The following CHMP4C variants were observed in gnomAD, a reference collection of about 807,000 sequenced individuals.
CHMP4C encodes the protein SNF7 homolog associated with Alix 3.
A neutral mutation model predicts 29.0 loss-of-function variants in CHMP4C; 28 were observed. That is an observed-to-expected ratio of 0.97 (90% CI 0.72 to 1.32). The LOEUF (loss-of-function observed/expected upper bound fraction) is 1.32, where lower values mean the gene tolerates loss of function less well. CHMP4C is among the 40% of genes most tolerant of loss of function. The probability of loss-of-function intolerance (pLI) is 0.00; values close to 1 mark genes in which losing one functional copy is unlikely to be tolerated. For missense variants in CHMP4C, 291 were observed against 281.0 expected, an observed-to-expected ratio of 1.04 and a Z score of -0.25; for synonymous variants, 106 against 102.4, an observed-to-expected ratio of 1.04 and a Z score of -0.21.
intron 1 of CHMP4C, among the ~76,000 whole-genome samples, chr8:81,745,886 A>C (rs1359009578): frequency 6.6e-6 from 1 of 152,160 alleles, no homozygotes; most frequent in Non-Finnish European, 1.5e-5. Context: ...ATTGAACTGC[A>C]CCTTCTACAC....
At chr8:81,744,068 C>A (rs1808794725) in intron 1 of CHMP4C, among the ~76,000 whole-genome samples, 1 of 152,210 alleles carries the variant, frequency 6.6e-6, no homozygotes, top group Non-Finnish European at 1.5e-5. Context: ...TCTCAGGCAT[C>A]TGCTTTAGCA....
In CHMP4C at chr8:81,758,168, A is replaced by G; in HGVS notation, c.510A>G (p.Glu170=). 6.2e-7 allele frequency: 1 copy of G among 1,613,940 alleles called. No homozygotes were observed. Among genetic ancestry groups the G allele is most frequent in the Non-Finnish European group, 8.5e-7 (1 of 1,179,900 alleles). The stretch of plus-strand genomic sequence containing the variant: ...ATGAGTTGATGGCAGAACTTGAAGA[A>G]TTGGAACAGGAGGAATTAAATAAGA... ...DEDELMAELE[E]LEQEELNKKM... The change falls in exon 4 of 5, where the codon GAA becomes GAG. Residue 170 remains glutamate, a synonymous_variant. Coordinates refer to ENST00000297265, the MANE Select transcript of CHMP4C (RefSeq NM_152284.4).
rs1404589185 is a variant in CHMP4C at position 81,732,672 on chromosome 8, AGCCGAGCCGCTCCCAGTCCCCAGGAG to A, written c.50_75del (p.Arg17ProfsTer8). Reference sequence around the variant, plus strand: ...CTTTAAAGGGGGCGGCTCTTCTAAGAGCCGAGCCGCTCCCAGTCCCCAGGAGGCCCTGGTCCGACTTCGGGAGACTG... The same window carrying A: ...CTTTAAAGGGGGCGGCTCTTCTAAGAGCCCTGGTCCGACTTCGGGAGACTG... On this transcript the variant is annotated frameshift_variant, in exon 1 of 5. Coordinates refer to ENST00000297265, the MANE Select transcript of CHMP4C (RefSeq NM_152284.4). LOFTEE classifies it high-confidence loss of function. 8 of 1,571,482 alleles carry A rather than the reference AGCCGAGCCGCTCCCAGTCCCCAGGAG, an allele frequency of 5.1e-6. No individual in the cohort carries two copies. The highest frequency in any genetic ancestry group is 6.9e-6 in the Non-Finnish European group (8 of 1,158,652).
chr8:81,749,699 T>G (rs1378808449), intron 1 of CHMP4C, among the ~76,000 whole-genome samples: 1 of 152,188 alleles, frequency 6.6e-6, no homozygotes, highest in Non-Finnish European at 1.5e-5. Flanking sequence ...TTAAGTGATG[T>G]TCCCTCACCT....
chr8:81,732,885 C>A, intron 1 of CHMP4C, 69 bp downstream of exon 1: 1 of 1,460,192 alleles, frequency 6.8e-7, no homozygotes, highest in Non-Finnish European at 9.3e-7. Context: ...GACAATCGGC[C>A]CACACCACTG....
chr8:81,737,766 A>G (rs1056586312), intron 1 of CHMP4C, among the ~76,000 whole-genome samples: 5 of 152,184 alleles, frequency 3.3e-5, no homozygotes, highest in Admixed American at 3.3e-4. Context: ...GTGGGGATGA[A>G]TGACATTATT....
chr8:81,732,724 A>G lies in CHMP4C; in HGVS notation c.98A>G (p.Glu33Gly), dbSNP rs769195710. 5.0e-6 allele frequency: 8 copies of G among 1,604,818 alleles called. No homozygotes were observed. In the East Asian group the frequency reaches 1.8e-4, roughly 36 times the overall value. Residue 33 changes from glutamate to glycine, a missense_variant, in exon 1 of 5, where the codon GAG (glutamate) becomes GGG (glycine). Transcript: ENST00000297265. ...GCCCTGGTCCGACTTCGGGAGACTG[A>G]GGAGATGCTGGGCAAGAAACAAGAG... ...QEALVRLRET[E>G]EMLGKKQEYL...
At chr8:81,744,171 A>T (rs1231577018) in intron 1 of CHMP4C, among the ~76,000 whole-genome samples, 1 of 152,166 alleles carries the variant, frequency 6.6e-6, no homozygotes, top group African/African-American at 2.4e-5. Context: ...GAGACCTCCA[A>T]AAATATGGAG....
In CHMP4C at chr8:81,753,185, G is replaced by C; in HGVS notation, c.312G>C (p.Glu104Asp). 1 of 1,611,180 alleles carries C rather than the reference G, an allele frequency of 6.2e-7. No homozygotes were observed. The highest frequency in any genetic ancestry group is 2.2e-5 in the East Asian group (1 of 44,822). The part of the protein sequence containing the change: ...EALENSHTNT[E>D]VLRNMGFAAK... Reference sequence around the variant, plus strand: ...TGGAGAACTCACACACCAACACTGAGGTGTTGAGGAACATGGGCTTTGCAG... The same window carrying C: ...TGGAGAACTCACACACCAACACTGACGTGTTGAGGAACATGGGCTTTGCAG... The change falls in exon 2 of 5, where the codon GAG becomes GAC. Residue 104 changes from glutamate (E) to aspartate (D), a missense_variant. Glu to Asp is a conservative substitution (Grantham distance 45). Transcript: ENST00000297265.
chr8:81,754,015 T>C (rs1455112614), intron 2 of CHMP4C, among the ~76,000 whole-genome samples: 5 of 152,074 alleles, frequency 3.3e-5, no homozygotes, highest in African/African-American at 1.2e-4. Flanking sequence ...GATGTGATAG[T>C]GGAACCTGGG....
intron 1 of CHMP4C, among the ~76,000 whole-genome samples, chr8:81,746,986 A>C (rs759548464): frequency 2.6e-5 from 4 of 152,210 alleles, no homozygotes; most frequent in Non-Finnish European, 5.9e-5. Context: ...TAAATGAGTT[A>C]TATCTCCATT....
chr8:81,754,844 C>T lies in CHMP4C; in HGVS notation c.369-526C>T, dbSNP rs1808950199. ...TTAATCCTGCTCTCTTTAGTAACCT[C>T]TCAGGGCATCACCGCTATGCAAAAA... On this transcript the variant is annotated intron_variant, in intron 2 of 4. Transcript: ENST00000297265. Among the ~76,000 whole-genome samples the T allele has an allele frequency of 2.0e-5, 3 of 152,270 alleles. No individual in the cohort carries two copies. The South Asian group carries it at 6.2e-4, about 32-fold the overall frequency.
chr8:81,741,843 T>C (rs1280119035), intron 1 of CHMP4C, among the ~76,000 whole-genome samples: 1 of 152,202 alleles, frequency 6.6e-6, no homozygotes, highest in Non-Finnish European at 1.5e-5. Flanking sequence ...CTGCTTATCA[T>C]TTGAGAGAAG....
At chr8:81,750,901 T>C (rs1585946213) in intron 1 of CHMP4C, among the ~76,000 whole-genome samples, 1 of 152,088 alleles carries the variant, frequency 6.6e-6, no homozygotes, top group African/African-American at 2.4e-5. Flanking sequence ...CATACCTAGA[T>C]GCATACCAGT....
intron 1 of CHMP4C, among the ~76,000 whole-genome samples, chr8:81,734,225 A>G (rs1341198609): frequency 1.3e-5 from 2 of 152,152 alleles, no homozygotes; most frequent in African/African-American, 4.8e-5. Flanking sequence ...AGTTTGATAC[A>G]CACTCTGACG....
rs1298692865 is a variant in CHMP4C, at chr8:81,734,347, T to G, written c.190+1531T>G. 2.0e-5 allele frequency among the ~76,000 whole-genome samples: 3 copies of G among 152,334 alleles called. No homozygotes were observed. In the East Asian group the frequency reaches 5.8e-4, roughly 29 times the overall value. On this transcript the variant is annotated intron_variant, in intron 1 of 4. Coordinates refer to ENST00000297265, the MANE Select transcript of CHMP4C (RefSeq NM_152284.4). ...ATATTGGTGGTGGTTGTTGTTGTTT[T>G]GAGACAGAGTTTCACTCTTGTTGCC...
At chr8:81,739,430 G>GGGA (rs1563618685) in intron 1 of CHMP4C, among the ~76,000 whole-genome samples, 5 of 118,808 alleles carry the variant, frequency 4.2e-5, no homozygotes, top group Admixed American at 8.9e-5. Context: ...GGGGGGGGTG[G>GGGA]AAAAAAAAAA....
At chr8:81,755,062 A>G (rs1306414381) in intron 2 of CHMP4C, among the ~76,000 whole-genome samples, 1 of 152,164 alleles carries the variant, frequency 6.6e-6, no homozygotes, top group African/African-American at 2.4e-5. Flanking sequence ...GCATGTATTT[A>G]AATTTGTCAT....
chr8:81,758,159 A>G lies in CHMP4C; in HGVS notation c.501A>G (p.Glu167=). 6.2e-7 allele frequency: 1 copy of G among 1,613,972 alleles called. No individual in the cohort carries two copies. The highest frequency in any genetic ancestry group is 1.3e-5 in the African/African-American group (1 of 75,052). The change falls in exon 4 of 5, where the codon GAA becomes GAG. Residue 167 remains glutamate (E), a synonymous_variant. Transcript: ENST00000297265. ...GTGTTCAGGATGAGTTGATGGCAGA[A>G]CTTGAAGAATTGGAACAGGAGGAAT... The part of the protein sequence containing the change: ...DDFDEDELMA[E]LEELEQEELN...
Sources: gnomAD v4.1 joint callset for allele counts (sites outside exome capture counted in the v4.1 genomes callset) on GRCh38, gnomAD v4.1.1 for gene constraint, MANE v1.5 for transcripts, NCBI Gene and HGNC (gene_info 2026-07-23, HGNC 2026-07-21) for gene names.